Variants in RAB38 observed in about 807,000 individuals in gnomAD.
RAB38 encodes ras-related protein Rab-38.
RAB38 carries 15 observed loss-of-function variants against 18.4 expected under a neutral mutation model. The ratio of observed to expected loss-of-function variants is 0.82; its 90% CI spans 0.55 to 1.26. The LOEUF is 1.26. Among genes scored for constraint, RAB38 ranks in the 50% most tolerant of loss-of-function variants. RAB38 has a pLI of 0.00. For missense variants in RAB38, 294 were observed against 267.4 expected (o/e 1.10, Z -0.69); for synonymous variants, 101 against 104.4 (o/e 0.97, Z 0.20).
At chr11:87,890,734 G>A in the RAB38 span, among the ~76,000 whole-genome samples, 1 of 151,676 alleles carries the variant, frequency 6.6e-6, no homozygotes, top group Non-Finnish European at 1.5e-5. Context: ...AGTTTCTCTT[G>A]TACTAATTCT....
the RAB38 span, among the ~76,000 whole-genome samples, chr11:87,871,372 A>G: frequency 1.3e-5 from 2 of 151,664 alleles, no homozygotes; most frequent in East Asian, 1.9e-4. Context: ...AAAAGACTAC[A>G]GCTACAAAAC....
At chr11:87,977,727 G>A in the RAB38 span, among the ~76,000 whole-genome samples, 2 of 74,400 alleles carry the variant, frequency 2.7e-5, no homozygotes, top group African/African-American at 5.7e-5. Flanking sequence ...TATATTATAT[G>A]ACATATGTTA....
the RAB38 span, among the ~76,000 whole-genome samples, chr11:87,875,644 G>A: frequency 6.6e-5 from 10 of 151,370 alleles, no homozygotes; most frequent in African/African-American, 2.4e-4. Context: ...AATTTTTCTA[G>A]TAATTTAATA....
the RAB38 span, among the ~76,000 whole-genome samples, chr11:88,071,895 C>A: frequency 6.6e-6 from 1 of 152,180 alleles, no homozygotes; most frequent in Non-Finnish European, 1.5e-5. Flanking sequence ...ATGGTACCAA[C>A]AAAACAGCTC....
chr11:88,175,115 C>CGCT, intron 1 of RAB38, 68 bp downstream of exon 1: 1 of 1,453,910 alleles, frequency 6.9e-7, no homozygotes, highest in Non-Finnish European at 9.2e-7. Context: ...GGCCGCAAGC[C>CGCT]GCTGCCTCGA....
At chr11:88,170,239 T>C (rs921644788) in intron 1 of RAB38, among the ~76,000 whole-genome samples, 1 of 152,222 alleles carries the variant, frequency 6.6e-6, no homozygotes, top group Non-Finnish European at 1.5e-5. Context: ...ACGTGGCATT[T>C]AGAAAATCTG....
At chr11:88,042,707 A>G in the RAB38 span, among the ~76,000 whole-genome samples, 3 of 152,174 alleles carry the variant, frequency 2.0e-5, no homozygotes, top group Non-Finnish European at 2.9e-5. Context: ...TTCACTAGAG[A>G]TCAAGCCAGA....
the RAB38 span, among the ~76,000 whole-genome samples, chr11:88,041,594 TA>T: frequency 7.9e-5 from 12 of 152,146 alleles, no homozygotes; most frequent in South Asian, 4.1e-4. Flanking sequence ...AAAGCTAGTT[TA>T]AAAAATGATT....
At chr11:88,133,792 G>A (rs993335071) in intron 2 of RAB38, among the ~76,000 whole-genome samples, 1 of 152,150 alleles carries the variant, frequency 6.6e-6, no homozygotes, top group African/African-American at 2.4e-5. Flanking sequence ...AGAAAAAAAA[G>A]AGTGAAAAGT....
the RAB38 span, among the ~76,000 whole-genome samples, chr11:87,963,768 T>G: frequency 1.3e-5 from 2 of 151,868 alleles, no homozygotes; most frequent in African/African-American, 2.4e-5. Flanking sequence ...TGCCTCAGCC[T>G]CCCAAGTAGC....
At chr11:88,018,878 AC>A in the RAB38 span, among the ~76,000 whole-genome samples, 1 of 152,084 alleles carries the variant, frequency 6.6e-6, no homozygotes. Context: ...AAGATGAGGA[AC>A]CCCCACAGAT....
chr11:87,830,520 GTTTA>G, the RAB38 span, among the ~76,000 whole-genome samples: 1 of 151,498 alleles, frequency 6.6e-6, no homozygotes, highest in Non-Finnish European at 1.5e-5. Flanking sequence ...AATGGATAAT[GTTTA>G]TTGAGTCCTT....
chr11:87,854,510 T>G, the RAB38 span, among the ~76,000 whole-genome samples: 1 of 152,188 alleles, frequency 6.6e-6, no homozygotes, highest in African/African-American at 2.4e-5. Context: ...ATGTGGATTT[T>G]GAGAGAACTA....
chr11:87,825,670 C>T, the RAB38 span, among the ~76,000 whole-genome samples: 4 of 152,058 alleles, frequency 2.6e-5, no homozygotes, highest in African/African-American at 9.7e-5. Flanking sequence ...TTGGTGAACA[C>T]AACTCAGTCT....
Position 88,113,855 on chromosome 11 carries a change from A to T in RAB38, c.*133T>A, listed in dbSNP as rs1942508578. 1 of 1,033,920 alleles carries T rather than the reference A, an allele frequency of 9.7e-7. No individual in the cohort carries two copies. The highest frequency in any genetic ancestry group is 1.4e-6 in the Non-Finnish European group (1 of 702,350). 64.0% of individuals were successfully genotyped at this position (1,033,920 alleles called of 1,614,324 possible). A position where few individuals can be genotyped will look rare whatever the true frequency, so the allele number is the denominator to read the frequency against. On this transcript the variant is annotated 3_prime_UTR_variant, in exon 3 of 3. Coordinates refer to ENST00000243662, the MANE Select transcript of RAB38 (RefSeq NM_022337.3). ...CATTTGCTATTTCTCTCTCACTGAA[A>T]AAACAGAGGCATAGATCTTTGGCTT... is the stretch of plus-strand genomic sequence containing the variant.
At chr11:88,024,035 A>G in the RAB38 span, among the ~76,000 whole-genome samples, 1 of 152,168 alleles carries the variant, frequency 6.6e-6, no homozygotes, top group Non-Finnish European at 1.5e-5. Context: ...TAAAGCAAAC[A>G]TGAACAAATG....
chr11:88,129,686 A>G, intron 2 of RAB38, among the ~76,000 whole-genome samples: 1 of 152,180 alleles, frequency 6.6e-6, no homozygotes. Flanking sequence ...AGTTCTGATA[A>G]TGAGCCAATT....
intron 1 of RAB38, among the ~76,000 whole-genome samples, chr11:88,150,945 G>C (rs1943056205): frequency 6.6e-6 from 1 of 152,124 alleles, no homozygotes; most frequent in South Asian, 2.1e-4. Context: ...GAATGTAACA[G>C]TAAACTAGAT....
chr11:88,119,706 A>T (rs906151196), intron 2 of RAB38, among the ~76,000 whole-genome samples: 2 of 151,944 alleles, frequency 1.3e-5, no homozygotes, highest in African/African-American at 4.8e-5. Flanking sequence ...AAATTTTCAC[A>T]TCTGCCTAGT....
Sources: gnomAD v4.1 joint callset for allele counts (sites outside exome capture counted in the v4.1 genomes callset) on GRCh38, gnomAD v4.1.1 for gene constraint, MANE v1.5 for transcripts, NCBI Gene and HGNC (gene_info 2026-07-23, HGNC 2026-07-21) for gene names.